Variants in ZSCAN20 observed in about 807,000 individuals in gnomAD.
ZSCAN20 encodes the protein zinc finger and SCAN domain containing 20.
A neutral mutation model predicts 97.1 loss-of-function variants in ZSCAN20; 39 were observed. The ratio of observed to expected loss-of-function variants is 0.40; its 90% confidence interval spans 0.31 to 0.52. ZSCAN20 has a LOEUF of 0.52. ZSCAN20 is among the 20% of genes least tolerant of loss of function. ZSCAN20 has a pLI of 0.49. For synonymous variants in ZSCAN20, 456 were observed against 467.3 expected, an observed-to-expected ratio of 0.98 and a Z score of 0.31; for missense variants, 1,115 against 1,290.4, an observed-to-expected ratio of 0.86 and a Z score of 2.08.
intron 1 of ZSCAN20, among the ~76,000 whole-genome samples, chr1:33,477,238 T>C (rs1651971084): frequency 6.6e-6 from 1 of 152,176 alleles, no homozygotes; most frequent in Non-Finnish European, 1.5e-5. Context: ...AGCCATGAGT[T>C]GTGCTTTAAG....
At position 33,488,538 on chromosome 1, in the gene ZSCAN20, C is replaced by T. The variant is rs1570557346; in HGVS notation, c.491C>T (p.Pro164Leu). Residue 164 changes from proline (P) to leucine (L), a missense_variant, in exon 3 of 8, where the codon CCA becomes CTA. Physicochemically the swap from Pro to Leu is moderately conservative, Grantham distance 98 (BLOSUM62 -3). Transcript: ENST00000684572. ...GAAGCTCAGAGCTTCCAGCTGCAGC[C>T]AGTGGATCCCTGGCCTGAGGGACAG... ...GEEAQSFQLQ[P>L]VDPWPEGQSQ... 1 of 1,614,116 alleles carries T rather than the reference C, an allele frequency of 6.2e-7. No individual in the cohort carries two copies. Among genetic ancestry groups the T allele is most frequent in the Middle Eastern group, 1.7e-4 (1 of 6,060 alleles).
In ZSCAN20 at chr1:33,489,275, C is replaced by A. The variant is rs920160634; in HGVS notation, c.681+84C>A. On this transcript the variant is annotated intron_variant, in intron 4 of 7. Coordinates refer to ENST00000684572, the MANE Select transcript of ZSCAN20 (RefSeq NM_001377376.1). ...CAGTGTTCCTCCTCTCTCTCCATGA[C>A]CTCTGCTCAGCAAAAGGGCATGAGG... is the stretch of plus-strand genomic sequence containing the variant. 16 of 1,424,926 alleles carry A rather than the reference C, an allele frequency of 1.1e-5. No homozygotes were observed. In the African/African-American group the frequency reaches 1.8e-4, roughly 16 times the overall value. The allele number at this position is 1,424,926 out of a possible 1,614,324, so 88.3% of individuals were successfully genotyped here.
At position 33,500,739 on chromosome 1, in the gene ZSCAN20, C is replaced by A. The variant is rs934508786; in HGVS notation, c.*5263C>A. Among the ~76,000 whole-genome samples, 1 of 150,218 alleles carries A rather than the reference C, an allele frequency of 6.7e-6. No individual in the cohort carries two copies. The highest frequency in any genetic ancestry group is 2.0e-4 in the East Asian group (1 of 5,064). On this transcript the variant is annotated 3_prime_UTR_variant, in exon 8 of 8. Coordinates refer to ENST00000684572, the MANE Select transcript of ZSCAN20 (RefSeq NM_001377376.1). ...TGTGCCCCCTAGAGGGCGAGGGCCA[C>A]GGGAAGGGGGATCAGGAAAACAAGA... is the stretch of plus-strand genomic sequence containing the variant.
At position 33,491,263 on chromosome 1, in the gene ZSCAN20, G is replaced by T; in HGVS notation, c.1005G>T (p.Leu335=). The change falls in exon 6 of 8, where the codon CTG becomes CTT. Residue 335 remains leucine, a synonymous_variant. Coordinates refer to ENST00000684572, the MANE Select transcript of ZSCAN20 (RefSeq NM_001377376.1). The surrounding 1 kb of genome is among the most constrained non-coding windows in gnomAD (Gnocchi z 4.3). ...GCTATGAGGAGACCAAGACTTTCCT[G>T]GCAATTTTGAGTGAATCTCCTTTCT... ...HWGYEETKTF[L]AILSESPFSE... is the part of the protein sequence containing the mutation. The T allele has an allele frequency of 6.2e-7, 1 of 1,614,134 alleles. No individual in the cohort carries two copies.
At chr1:33,479,822 A>G (rs1184731849) in intron 2 of ZSCAN20, 117 bp downstream of exon 2, 21 of 1,130,960 alleles carry the variant, frequency 1.9e-5, no homozygotes, top group Admixed American at 3.1e-5. Context: ...GAGAACTGAC[A>G]CTTATTGACC....
Position 33,493,594 on chromosome 1 carries a change from T to G in ZSCAN20, c.1852T>G (p.Cys618Gly). Residue 618 changes from cysteine to glycine, a missense_variant, in exon 7 of 8, where the codon TGT (cysteine) becomes GGT (glycine). Coordinates refer to ENST00000684572, the MANE Select transcript of ZSCAN20 (RefSeq NM_001377376.1). This position sits in a 1 kb window ranked among gnomAD's most constrained non-coding sequence, Gnocchi z 4.3. Reference protein sequence around the residue: ...NEDAVKPSTLCPKAPDMGFEM... With the variant: ...NEDAVKPSTLGPKAPDMGFEM... ...AGATGCTGTCAAACCTTCAACCTTG[T>G]GTCCTAAAGCCCCAGACATGGGTAA... The G allele has an allele frequency of 6.3e-7, 1 of 1,589,742 alleles. No homozygotes were observed. Among genetic ancestry groups the G allele is most frequent in the Non-Finnish European group, 8.6e-7 (1 of 1,165,156 alleles).
rs1219538242 is a variant in ZSCAN20, at chr1:33,496,351, G to A, written c.*875G>A. On this transcript the variant is annotated 3_prime_UTR_variant, in exon 8 of 8. Coordinates refer to ENST00000684572, the MANE Select transcript of ZSCAN20 (RefSeq NM_001377376.1). ...ATTTTGAATTTTTTAAACAAATATG[G>A]AAACTGAGAATCCCTAAGGATTAAA... 6.6e-6 allele frequency: 1 copy of A among 152,088 alleles called. No individual in the cohort carries two copies. The highest frequency in any genetic ancestry group is 2.4e-5 in the African/African-American group (1 of 41,400). 9.4% of individuals were successfully genotyped at this position (152,088 alleles called of 1,614,324 possible).
Position 33,495,526 on chromosome 1 carries a change from T to C in ZSCAN20, c.*50T>C. The stretch of plus-strand genomic sequence containing the variant: ...GAGGACTCAATGTATATATCTTATA[T>C]CATAAGATGTATGCTAGAGATAAAC... On this transcript the variant is annotated 3_prime_UTR_variant, in exon 8 of 8. Coordinates refer to ENST00000684572, the MANE Select transcript of ZSCAN20 (RefSeq NM_001377376.1). 1 of 1,394,702 alleles carries C rather than the reference T, an allele frequency of 7.2e-7. No homozygotes were observed. The allele number at this position is 1,394,702 out of a possible 1,614,324, so 86.4% of individuals were successfully genotyped here.
intron 2 of ZSCAN20, among the ~76,000 whole-genome samples, chr1:33,487,845 G>T (rs1214474125): frequency 6.6e-6 from 1 of 151,884 alleles, no homozygotes; most frequent in African/African-American, 2.4e-5. Context: ...AGAGGTGAGG[G>T]TCTGCTATGT....
In ZSCAN20 at chr1:33,500,663, C is replaced by CTTTTTTTTTTTTTT. The variant is rs36062419; in HGVS notation, c.*5190_*5203dup. 7.1e-6 allele frequency among the ~76,000 whole-genome samples: 1 copy of CTTTTTTTTTTTTTT among 141,362 alleles called. No homozygotes were observed. Among genetic ancestry groups the CTTTTTTTTTTTTTT allele is most frequent in the Non-Finnish European group, 1.5e-5 (1 of 65,428 alleles). The allele number at this position is 141,362 out of a possible 152,430, so 92.7% of individuals were successfully genotyped here. A position where few individuals can be genotyped will look rare whatever the true frequency, so the allele number is the denominator to read the frequency against. On this transcript the variant is annotated 3_prime_UTR_variant, in exon 8 of 8. Transcript: ENST00000684572. ...TACATGATACTTATTTCTAAAGTCA[C>CTTTTTTTTTTTTTT]TTTTTTTTTTTTTTTTACATTTTCA...
At chr1:33,482,936 A>AGAACTT (rs754535536) in intron 2 of ZSCAN20, among the ~76,000 whole-genome samples, 39 of 152,144 alleles carry the variant, frequency 2.6e-4, no homozygotes, top group Admixed American at 4.6e-4. Context: ...TTGAGTTTTA[A>AGAACTT]GAGTTCTTTG....
intron 2 of ZSCAN20, among the ~76,000 whole-genome samples, chr1:33,484,103 G>A (rs1652261698): frequency 6.6e-6 from 1 of 152,020 alleles, no homozygotes; most frequent in African/African-American, 2.4e-5. Flanking sequence ...AGTTTTTTTT[G>A]TTGATTCTTT....
In ZSCAN20 at chr1:33,479,187, G is replaced by A. The variant is rs1325016139; in HGVS notation, c.-102G>A. 10 of 1,285,430 alleles carry A rather than the reference G, an allele frequency of 7.8e-6. No individual in the cohort carries two copies. Among genetic ancestry groups the A allele is most frequent in the Non-Finnish European group, 8.6e-6 (8 of 927,098 alleles). 79.6% of individuals were successfully genotyped at this position (1,285,430 alleles called of 1,614,324 possible). ...TTGTCTTTCTGCCTTAGAGCCTTGG[G>A]GAGCAGTCCCTTTTCTAGGAGCCTC... On this transcript the variant is annotated 5_prime_UTR_variant, in exon 2 of 8. Transcript: ENST00000684572.
chr1:33,498,526 G>A lies in ZSCAN20; in HGVS notation c.*3050G>A, dbSNP rs552972306. ...CCAAGAGCTTGCTGGGCACCCAGGC[G>A]CCCTCCAGTAGGTCTGTGCTGCTCA... On this transcript the variant is annotated 3_prime_UTR_variant, in exon 8 of 8. Transcript: ENST00000684572. Among the ~76,000 whole-genome samples, 4 of 152,294 alleles carry A rather than the reference G, an allele frequency of 2.6e-5. No individual in the cohort carries two copies. In the South Asian group the frequency reaches 8.3e-4, roughly 32 times the overall value.
chr1:33,489,188 C>T lies in ZSCAN20; in HGVS notation c.678C>T (p.Ser226=). The T allele has an allele frequency of 4.3e-6, 7 of 1,613,450 alleles. No homozygotes were observed. The highest frequency in any genetic ancestry group is 5.9e-6 in the Non-Finnish European group (7 of 1,179,624). ...GAGATTGGGAGGTGACAGCTGAGTC[C>T]CAGGTAAGCTGTTACTCGTTCTTCC... The part of the protein sequence containing the change: ...SVGDWEVTAE[S]QEALGPGKHA... Residue 226 remains serine (S), a synonymous_variant, in exon 4 of 8, where the codon TCC becomes TCT. Transcript: ENST00000684572.
Position 33,480,510 on chromosome 1 carries a change from C to T in ZSCAN20, c.417+805C>T, listed in dbSNP as rs183975508. Among the ~76,000 whole-genome samples, 3 of 152,262 alleles carry T rather than the reference C, an allele frequency of 2.0e-5. No homozygotes were observed. The East Asian group carries it at 5.8e-4, about 29-fold the overall frequency. On this transcript the variant is annotated intron_variant, in intron 2 of 7. Coordinates refer to ENST00000684572, the MANE Select transcript of ZSCAN20 (RefSeq NM_001377376.1). ...CATGGGAATTAAAATACCTTTGAGC[C>T]ATGAGGCTCAAATGAGATATTAGTT...
rs540015868 is a variant in ZSCAN20 at position 33,491,516 on chromosome 1, G to A, written c.1258G>A (p.Gly420Ser). The A allele has an allele frequency of 6.2e-7, 1 of 1,614,050 alleles. No individual in the cohort carries two copies. The highest frequency in any genetic ancestry group is 8.5e-7 in the Non-Finnish European group (1 of 1,179,944). The change falls in exon 6 of 8, where the codon GGC becomes AGC. Residue 420 changes from glycine (G) to serine (S), a missense_variant. By Grantham distance (56) the Gly-to-Ser change is moderately conservative. Around this residue, in one of 3 missense-constraint regions of ZSCAN20, gnomAD observed 508 missense variants for 611.2 expected, o/e 0.83. Coordinates refer to ENST00000684572, the MANE Select transcript of ZSCAN20 (RefSeq NM_001377376.1). The surrounding 1 kb of genome is among the most constrained non-coding windows in gnomAD (Gnocchi z 4.3). ...TCGGACAGCCATCAGAGCCACAGATGGCCCAGGAGAGGCCGTGGCACTTCC... is the reference window on the plus strand; with the variant it reads ...TCGGACAGCCATCAGAGCCACAGATAGCCCAGGAGAGGCCGTGGCACTTCC... ...RARTAIRATD[G>S]PGEAVALPRL...
chr1:33,494,524 C>T lies in ZSCAN20; in HGVS notation c.2180C>T (p.Ala727Val). 6.2e-7 allele frequency: 1 copy of T among 1,614,184 alleles called. No homozygotes were observed. The highest frequency in any genetic ancestry group is 1.1e-5 in the South Asian group (1 of 91,080). The change falls in exon 8 of 8, where the codon GCC (alanine) becomes GTC (valine). Residue 727 changes from alanine to valine, a missense_variant. By Grantham distance (64) the Ala-to-Val change is moderately conservative (BLOSUM62 0). Around this residue, in one of 3 missense-constraint regions of ZSCAN20, gnomAD observed 554 missense variants for 584.9 expected, o/e 0.95. Transcript: ENST00000684572. ...KSFSRSSHFI[A>V]HQRIHTGEKP... Reference sequence around the variant, plus strand: ...TTCAGTCGGAGCTCCCACTTCATTGCCCATCAGCGAATCCACACAGGTGAG... The same window carrying T: ...TTCAGTCGGAGCTCCCACTTCATTGTCCATCAGCGAATCCACACAGGTGAG...
In ZSCAN20 at chr1:33,494,504, T is replaced by C; in HGVS notation, c.2160T>C (p.Ser720=). Residue 720 remains serine (S), a synonymous_variant, in exon 8 of 8, where the codon AGT becomes AGC. Transcript: ENST00000684572. ...YKCDTCMKSF[S]RSSHFIAHQR... ...GTGACACATGCATGAAGAGCTTCAG[T>C]CGGAGCTCCCACTTCATTGCCCATC... 6.2e-7 allele frequency: 1 copy of C among 1,614,230 alleles called. No individual in the cohort carries two copies. Among genetic ancestry groups the C allele is most frequent in the Non-Finnish European group, 8.5e-7 (1 of 1,180,046 alleles).
Sources: allele counts gnomAD v4.1 joint callset (sites outside exome capture counted in the v4.1 genomes callset), GRCh38; gene constraint gnomAD v4.1.1; regional missense constraint gnomAD v4.1.1; non-coding constraint Gnocchi (gnomAD v3.1); transcripts MANE v1.5; gene names NCBI Gene and HGNC (gene_info 2026-07-23, HGNC 2026-07-21).